MSL1: variants seen among roughly 807,000 people sequenced by gnomAD.
MSL1 encodes MSL complex subunit 1, also known as male-specific lethal 1 homolog.
In MSL1, 21 loss-of-function variants were observed where a neutral mutation model predicts 64.6. The ratio of observed to expected loss-of-function variants is 0.33; its 90% CI spans 0.23 to 0.47. The LOEUF is 0.47. Ranked by LOEUF, MSL1 falls within the 20% of genes least tolerant of loss-of-function variation. The pLI is 1.00. For synonymous variants in MSL1, 339 were observed against 329.6 expected, an observed-to-expected ratio of 1.03 and a Z score of -0.31; for missense variants, 664 against 793.2, an observed-to-expected ratio of 0.84 and a Z score of 1.96.
intron 5 of MSL1, among the ~76,000 whole-genome samples, chr17:40,132,598 C>T (rs1176136379): frequency 6.6e-6 from 1 of 152,114 alleles, no homozygotes; most frequent in Non-Finnish European, 1.5e-5. Context: ...AAGATCGCAC[C>T]ACTGCACTCC....
chr17:40,133,505 CTTTG>C, intron 6 of MSL1, 25 bp from the exon 7 acceptor site: 1 of 1,594,638 alleles, frequency 6.3e-7, no homozygotes, highest in Non-Finnish European at 8.5e-7. Flanking sequence ...TGTTGGGTTT[CTTTG>C]TTTTGTTTGG....
At position 40,131,573 on chromosome 17, in the gene MSL1, C is replaced by T. The variant is rs757928502; in HGVS notation, c.1412C>T (p.Ser471Leu). The change falls in exon 4 of 9, where the codon TCA becomes TTA. Residue 471 changes from serine to leucine, a missense_variant. Transcript: ENST00000398532. The surrounding 1 kb of genome is among the most constrained non-coding windows in gnomAD (Gnocchi z 4.5). ...LMPSSVAGET[S>L]VLAVPSWRDH... ...CCATCAAGTGTTGCAGGAGAAACTTCAGTCTTGGCTGGTGAGTAGAATAGG... is the reference window on the plus strand; with the variant it reads ...CCATCAAGTGTTGCAGGAGAAACTTTAGTCTTGGCTGGTGAGTAGAATAGG... 5 of 1,613,720 alleles carry T rather than the reference C, an allele frequency of 3.1e-6. No individual in the cohort carries two copies. Among genetic ancestry groups the T allele is most frequent in the South Asian group, 1.1e-5 (1 of 91,078 alleles).
At chr17:40,133,436 T>C in intron 6 of MSL1, 98 bp from the exon 7 acceptor site, 1 of 1,445,280 alleles carries the variant, frequency 6.9e-7, no homozygotes, top group Non-Finnish European at 9.2e-7. Flanking sequence ...AGCAAGGGTC[T>C]TCCTAGCATC....
Position 40,123,180 on chromosome 17 carries a change from G to A in MSL1, c.568G>A (p.Gly190Arg). The A allele has an allele frequency of 6.5e-7, 1 of 1,535,146 alleles. No homozygotes were observed. Among genetic ancestry groups the A allele is most frequent in the Non-Finnish European group, 8.7e-7 (1 of 1,146,620 alleles). ...ACCCCTCGCGCCCACCGCCACCGCC[G>A]GGACCCTGGCGGCCAGCGAGGGCAG... ...PPPLAPTATA[G>R]TLAASEGRWK... The change falls in exon 1 of 9, where the codon GGG becomes AGG. Residue 190 changes from glycine to arginine, a missense_variant. Around this residue, in one of 4 missense-constraint regions of MSL1, gnomAD observed 466 missense variants for 499.0 expected, o/e 0.93. Transcript: ENST00000398532.
chr17:40,131,523 C>A lies in MSL1; in HGVS notation c.1376-14C>A, dbSNP rs1295067386. On this transcript the variant is annotated splice_polypyrimidine_tract_variant and intron_variant, in intron 3 of 8. Transcript: ENST00000398532. This position sits in a 1 kb window ranked among gnomAD's most constrained non-coding sequence, Gnocchi z 4.5. ...TTTTACACTGAGATTATTCTTCTTT[C>A]CTGCATTATTTAGGGTGTCTGATGC... is the stretch of plus-strand genomic sequence containing the variant. The A allele has an allele frequency of 2.5e-6, 4 of 1,612,604 alleles. No individual in the cohort carries two copies. Among genetic ancestry groups the A allele is most frequent in the Non-Finnish European group, 3.4e-6 (4 of 1,178,770 alleles).
chr17:40,124,344 C>T (rs1452694684), intron 1 of MSL1, among the ~76,000 whole-genome samples: 2 of 151,916 alleles, frequency 1.3e-5, no homozygotes, highest in Non-Finnish European at 2.9e-5. Context: ...CCTCCCTCTT[C>T]CTCCCTCCCT....
At position 40,123,358 on chromosome 17, in the gene MSL1, A is replaced by G; in HGVS notation, c.746A>G (p.Glu249Gly). ...QLQAKEKEIE[E>G]LKSERDTLLA... is the part of the protein sequence containing the mutation. ...CAGGCCAAGGAAAAGGAGATCGAGG[A>G]GCTGAAGTCAGAGAGAGACACGGTA... is the stretch of plus-strand genomic sequence containing the variant. Residue 249 changes from glutamate to glycine, a missense_variant, in exon 1 of 9, where the codon GAG becomes GGG. By Grantham distance (98) the Glu-to-Gly change is moderately conservative. This residue lies in a region of MSL1 where 466 missense variants were observed against 499.0 expected (regional missense o/e 0.93). Transcript: ENST00000398532. The G allele has an allele frequency of 6.5e-7, 1 of 1,536,398 alleles. No individual in the cohort carries two copies. Among genetic ancestry groups the G allele is most frequent in the Non-Finnish European group, 8.7e-7 (1 of 1,146,902 alleles).
At position 40,133,839 on chromosome 17, in the gene MSL1, T is replaced by C. The variant is rs765214816; in HGVS notation, c.1694T>C (p.Met565Thr). 5 of 1,614,032 alleles carry C rather than the reference T, an allele frequency of 3.1e-6. No individual in the cohort carries two copies. The Admixed American group carries it at 5.0e-5, about 16-fold the overall frequency. Residue 565 changes from methionine (M) to threonine (T), a missense_variant, in exon 8 of 9, where the codon ATG (methionine) becomes ACG (threonine). This residue lies in a region of MSL1 where 76 missense variants were observed against 98.5 expected (regional missense o/e 0.77). Transcript: ENST00000398532. ...FPEPDDVESL[M>T]ITPFLPVVAF... ...CTTTCTCCCATAGTTGAAAGTTTGA[T>C]GATTACCCCCTTCTTGCCTGTTGTA... is the stretch of plus-strand genomic sequence containing the variant.
At chr17:40,126,908 T>A (rs1988330642) in intron 2 of MSL1, 1 of 155,422 alleles carries the variant, frequency 6.4e-6, no homozygotes, top group East Asian at 1.9e-4. Flanking sequence ...ACAGTAATAA[T>A]TATTGAATGC....
chr17:40,123,098 C>G lies in MSL1; in HGVS notation c.486C>G (p.Pro162=), dbSNP rs1988227397. 6.5e-7 allele frequency: 1 copy of G among 1,529,476 alleles called. No individual in the cohort carries two copies. The highest frequency in any genetic ancestry group is 8.7e-7 in the Non-Finnish European group (1 of 1,144,336). The allele number at this position is 1,529,476 out of a possible 1,614,324, so 94.7% of individuals were successfully genotyped here. Residue 162 remains proline, a synonymous_variant, in exon 1 of 9, where the codon CCC becomes CCG. Transcript: ENST00000398532. ...GGGACAAGGGTGGGGCGGCCTCCCC[C>G]GCTGCCACCGCCTCGGACCCGGCGG... ...WAGDKGGAAS[P]AATASDPAGP...
Position 40,122,779 on chromosome 17 carries a change from G to A in MSL1, c.167G>A (p.Gly56Glu). The A allele has an allele frequency of 7.3e-7, 1 of 1,377,658 alleles. No individual in the cohort carries two copies. The highest frequency in any genetic ancestry group is 9.3e-7 in the Non-Finnish European group (1 of 1,074,840). 85.3% of individuals were successfully genotyped at this position (1,377,658 alleles called of 1,614,324 possible). ...CGGCACCGTAAGCTCAAGGAGCCGG[G>A]GCCCCCGCTGGCCTCCTCCCAGGGC... ...LPRHRKLKEP[G>E]PPLASSQGGS... The change falls in exon 1 of 9, where the codon GGG becomes GAG. Residue 56 changes from glycine (G) to glutamate (E), a missense_variant. Gly to Glu is a moderately conservative substitution (Grantham distance 98). Around this residue, in one of 4 missense-constraint regions of MSL1, gnomAD observed 466 missense variants for 499.0 expected, o/e 0.93. Coordinates refer to ENST00000398532, the MANE Select transcript of MSL1 (RefSeq NM_001365919.1). The surrounding 1 kb of genome is among the most constrained non-coding windows in gnomAD (Gnocchi z 4.2).
intron 1 of MSL1, among the ~76,000 whole-genome samples, chr17:40,124,240 T>C (rs990712247): frequency 2.6e-5 from 4 of 152,050 alleles, no homozygotes; most frequent in African/African-American, 9.7e-5. Context: ...GTGGGGGGTA[T>C]TACTGTGCTA....
In MSL1 at chr17:40,136,513, A is replaced by G. The variant is rs1375585041; in HGVS notation, c.*2144A>G. ...GGGAAAATTAGTCTTATTTTTCCCT[A>G]CATGGGATACAACACTGTGAATTCA... On this transcript the variant is annotated 3_prime_UTR_variant, in exon 9 of 9. Coordinates refer to ENST00000398532, the MANE Select transcript of MSL1 (RefSeq NM_001365919.1). 1 of 152,386 alleles carries G rather than the reference A, an allele frequency of 6.6e-6. No homozygotes were observed. The highest frequency in any genetic ancestry group is 1.5e-5 in the Non-Finnish European group (1 of 68,042). The allele number at this position is 152,386 out of a possible 1,614,324, so 9.4% of individuals were successfully genotyped here.
intron 5 of MSL1, among the ~76,000 whole-genome samples, chr17:40,132,616 G>A (rs1350317487): frequency 6.6e-6 from 1 of 152,134 alleles, no homozygotes; most frequent in Non-Finnish European, 1.5e-5. Flanking sequence ...TCCAGCCTGG[G>A]TGACGGAGTG....
intron 6 of MSL1, 70 bp downstream of exon 6, chr17:40,133,179 G>A: frequency 2.2e-6 from 3 of 1,381,496 alleles, no homozygotes; most frequent in South Asian, 1.2e-5. Flanking sequence ...CAGGGAACCT[G>A]ACCTCCCTTT....
rs893620174 is a variant in MSL1 at position 40,136,583 on chromosome 17, T to C, written c.*2214T>C. 6.6e-6 allele frequency: 1 copy of C among 152,390 alleles called. No homozygotes were observed. The highest frequency in any genetic ancestry group is 1.5e-5 in the Non-Finnish European group (1 of 68,044). 9.4% of individuals were successfully genotyped at this position (152,390 alleles called of 1,614,324 possible). A position where few individuals can be genotyped will look rare whatever the true frequency, so the allele number is the denominator to read the frequency against. ...GCAGTTCTCCTAAAACATAGTTGTT[T>C]GTTTTTCTTTAACAAAGTTTAAGCT... On this transcript the variant is annotated 3_prime_UTR_variant, in exon 9 of 9. Transcript: ENST00000398532.
Position 40,129,371 on chromosome 17 carries a change from T to C in MSL1, c.1119T>C (p.Ser373=), listed in dbSNP as rs377375349. 6.4e-5 allele frequency: 104 copies of C among 1,613,674 alleles called. No homozygotes were observed. The highest frequency in any genetic ancestry group is 4.2e-4 in the Admixed American group (25 of 59,942). Residue 373 remains serine, a synonymous_variant, in exon 3 of 9, where the codon TCT becomes TCC. Coordinates refer to ENST00000398532, the MANE Select transcript of MSL1 (RefSeq NM_001365919.1). ...AAGAGGAACCCTGTGGTTCCTTATCTGAAACTGTTTGTAAACGTGAATTGA... is the reference window on the plus strand; with the variant it reads ...AAGAGGAACCCTGTGGTTCCTTATCCGAAACTGTTTGTAAACGTGAATTGA... ...PIKEEPCGSL[S]ETVCKRELRS...
At position 40,123,240 on chromosome 17, in the gene MSL1, G is replaced by A; in HGVS notation, c.628G>A (p.Gly210Ser). 2 of 1,535,782 alleles carry A rather than the reference G, an allele frequency of 1.3e-6. No individual in the cohort carries two copies. The highest frequency in any genetic ancestry group is 1.7e-6 in the Non-Finnish European group (2 of 1,146,876). Residue 210 changes from glycine (G) to serine (S), a missense_variant, in exon 1 of 9, where the codon GGT (glycine) becomes AGT (serine). Coordinates refer to ENST00000398532, the MANE Select transcript of MSL1 (RefSeq NM_001365919.1). ...TATGAGGAAGAGCCCTCTCGGGGGT[G>A]GTGGCGGCTCGGGAGCCTCCAGTCA... ...KSMRKSPLGG[G>S]GGSGASSQAA...
At position 40,134,576 on chromosome 17, in the gene MSL1, TTTC is replaced by T. The variant is rs1245754155; in HGVS notation, c.*210_*212del. ...TGTGAGTTATGGAGGGTGATTGGGATTTCTTTTCCCTTTTTTGGGAAATGGGCT... is the reference window on the plus strand; with the variant it reads ...TGTGAGTTATGGAGGGTGATTGGGATTTTTCCCTTTTTTGGGAAATGGGCT... On this transcript the variant is annotated 3_prime_UTR_variant, in exon 9 of 9. Coordinates refer to ENST00000398532, the MANE Select transcript of MSL1 (RefSeq NM_001365919.1). 5.1e-5 allele frequency: 28 copies of T among 554,130 alleles called. No individual in the cohort carries two copies. The highest frequency in any genetic ancestry group is 4.1e-4 in the South Asian group (18 of 43,902). The allele number at this position is 554,130 out of a possible 1,614,324, so 34.3% of individuals were successfully genotyped here.
Sources: allele counts gnomAD v4.1 joint callset (sites outside exome capture counted in the v4.1 genomes callset), GRCh38; gene constraint gnomAD v4.1.1; regional missense constraint gnomAD v4.1.1; non-coding constraint Gnocchi (gnomAD v3.1); transcripts MANE v1.5; gene names NCBI Gene and HGNC (gene_info 2026-07-23, HGNC 2026-07-21).